USP7: variants seen among roughly 807,000 people sequenced by gnomAD.
USP7 encodes ubiquitin C-terminal hydrolase 7.
A neutral mutation model predicts 162.9 loss-of-function variants in USP7; 9 were observed. That is an observed-to-expected ratio of 0.06 (90% CI 0.03 to 0.10). The LOEUF is 0.10. Among genes scored for constraint, USP7 ranks in the 10% least tolerant of loss-of-function variants. USP7 has a pLI of 1.00. For missense variants in USP7, 715 were observed against 1,373.7 expected (o/e 0.52, Z 7.58); for synonymous variants, 562 against 475.9 (o/e 1.18, Z -2.35).
At chr16:8,937,606 G>A (rs986502181) in intron 1 of USP7, among the ~76,000 whole-genome samples, 2 of 152,096 alleles carry the variant, frequency 1.3e-5, no homozygotes, top group Non-Finnish European at 2.9e-5. Flanking sequence ...AGGCTGAGGT[G>A]GGACGTAAAG....
intron 1 of USP7, among the ~76,000 whole-genome samples, chr16:8,942,094 AG>A (rs752072635): frequency 8.5e-5 from 13 of 152,384 alleles, no homozygotes; most frequent in Admixed American, 2.6e-4. Context: ...AAACCGCAAC[AG>A]GAACAGGAAC....
At chr16:8,944,473 G>C (rs1165745742) in intron 1 of USP7, among the ~76,000 whole-genome samples, 4 of 152,146 alleles carry the variant, frequency 2.6e-5, no homozygotes, top group Non-Finnish European at 5.9e-5. Flanking sequence ...AGCCAGTTTG[G>C]GGACTGGGGA....
rs1048612787 is a variant in USP7 at position 8,892,621 on chromosome 16, A to C, written c.*1377T>G. 4 of 151,306 alleles carry C rather than the reference A, an allele frequency of 2.6e-5. No individual in the cohort carries two copies. The highest frequency in any genetic ancestry group is 4.4e-5 in the Non-Finnish European group (3 of 67,866). The allele number at this position is 151,306 out of a possible 1,614,324, so 9.4% of individuals were successfully genotyped here. A position where few individuals can be genotyped will look rare whatever the true frequency, so the allele number is the denominator to read the frequency against. ...AGTTAGAGGCTAAAAAAAAAAAAAA[A>C]AAAAAAAAGAAACAAGAGACCCTGC... On this transcript the variant is annotated 3_prime_UTR_variant, in exon 31 of 31. Coordinates refer to ENST00000344836, the MANE Select transcript of USP7 (RefSeq NM_003470.3).
At chr16:8,894,242 G>A (rs1040803255) in intron 30 of USP7, 138 bp from the exon 31 acceptor site, 14 of 801,462 alleles carry the variant, frequency 1.7e-5, no homozygotes, top group South Asian at 3.1e-5. Context: ...TGAGCTACAC[G>A]CCCACCTGGA....
intron 1 of USP7, 182 bp downstream of exon 1, chr16:8,963,025 T>G (rs556795179): frequency 2.5e-6 from 1 of 396,790 alleles, no homozygotes; most frequent in South Asian, 1.2e-4. Context: ...CGGCCGCCCC[T>G]CGCCCGCGGA....
intron 1 of USP7, 97 bp downstream of exon 1, chr16:8,963,110 G>T: frequency 8.6e-7 from 1 of 1,159,898 alleles, no homozygotes; most frequent in Non-Finnish European, 1.1e-6. Context: ...CCGGGGCCTG[G>T]TTAAAGATGG....
chr16:8,929,481 C>T, intron 2 of USP7: 1 of 456,072 alleles, frequency 2.2e-6, no homozygotes, highest in Non-Finnish European at 4.4e-6. Context: ...GAGGTCTGAA[C>T]AGCAGTCCTT....
intron 2 of USP7, among the ~76,000 whole-genome samples, chr16:8,925,391 G>T (rs1897932740): frequency 6.6e-6 from 1 of 152,072 alleles, no homozygotes; most frequent in Non-Finnish European, 1.5e-5. Context: ...ATCACTGCAG[G>T]ACCTAAAAAG....
intron 2 of USP7, among the ~76,000 whole-genome samples, chr16:8,929,887 A>T (rs182480905): frequency 3.0e-4 from 45 of 150,960 alleles, no homozygotes; most frequent in Non-Finnish European, 5.7e-4. Flanking sequence ...ATTCATAGCT[A>T]TCATCAACTG....
In USP7 at chr16:8,900,137, C is replaced by T. The variant is rs571686974; in HGVS notation, c.2310-380G>A. On this transcript the variant is annotated intron_variant, in intron 21 of 30. Transcript: ENST00000344836. ...GGAAATCTGGGCTTTCGTGTGCCAT[C>T]GAGCCACTTTCAGACACTGAGTGTC... 194 of 357,426 alleles carry T rather than the reference C, an allele frequency of 5.4e-4. 3 individuals are homozygous for T. The highest frequency in any genetic ancestry group is 3.3e-3 in the Middle Eastern group (4 of 1,214). The allele number at this position is 357,426 out of a possible 1,614,324, so 22.1% of individuals were successfully genotyped here. A position where few individuals can be genotyped will look rare whatever the true frequency, so the allele number is the denominator to read the frequency against.
At chr16:8,912,930 A>C (rs2061971171) in intron 10 of USP7, among the ~76,000 whole-genome samples, 1 of 152,246 alleles carries the variant, frequency 6.6e-6, no homozygotes, top group African/African-American at 2.4e-5. Context: ...CAATTAGTGA[A>C]GATCAAGACA....
intron 1 of USP7, among the ~76,000 whole-genome samples, chr16:8,932,322 C>T (rs1542540): frequency 0.99 from 150,676 of 152,340 alleles, 74,537 homozygotes; most frequent in East Asian, 1. Context: ...TCCTAGCACT[C>T]TGGGAGGCAA....
chr16:8,927,746 G>A (rs1308814416), intron 2 of USP7, among the ~76,000 whole-genome samples: 1 of 152,242 alleles, frequency 6.6e-6, no homozygotes, highest in African/African-American at 2.4e-5. Context: ...TGAGGCAGAA[G>A]AATCGCAAAA....
Position 8,963,248 on chromosome 16 carries a change from C to T in USP7, c.38G>A (p.Gly13Asp), listed in dbSNP as rs1277447483. ...CTCGGGCTCGCTCAACTGCTGCTCG[C>T]CCGCTTTCTGCTGCTGCTGCTGCTG... ...HQQQQQQQKA[G>D]EQQLSEPEDM... The change falls in exon 1 of 31, where the codon GGC (glycine) becomes GAC (aspartate). Residue 13 changes from glycine to aspartate, a missense_variant. Transcript: ENST00000344836. 3 of 1,389,366 alleles carry T rather than the reference C, an allele frequency of 2.2e-6. No homozygotes were observed. The highest frequency in any genetic ancestry group is 1.5e-5 in the African/African-American group (1 of 65,822). The allele number at this position is 1,389,366 out of a possible 1,614,324, so 86.1% of individuals were successfully genotyped here.
At chr16:8,905,560 T>C (rs2061847005) in intron 13 of USP7, among the ~76,000 whole-genome samples, 1 of 152,228 alleles carries the variant, frequency 6.6e-6, no homozygotes, top group Non-Finnish European at 1.5e-5. Flanking sequence ...CCATTCAACA[T>C]TCTGTGGGCA....
chr16:8,931,774 G>A (rs1289734037), intron 1 of USP7, among the ~76,000 whole-genome samples: 1 of 152,158 alleles, frequency 6.6e-6, no homozygotes, highest in African/African-American at 2.4e-5. Flanking sequence ...AATCACAGCA[G>A]GACTTTTAGG....
intron 6 of USP7, among the ~76,000 whole-genome samples, chr16:8,917,980 C>T (rs139207411): frequency 4.7e-4 from 71 of 151,894 alleles, no homozygotes; most frequent in Admixed American, 1.4e-3. Flanking sequence ...TTACTAGAGA[C>T]GGGGTTTCAC....
intron 1 of USP7, among the ~76,000 whole-genome samples, chr16:8,952,820 C>A (rs1314342275): frequency 6.6e-6 from 1 of 151,838 alleles, no homozygotes; most frequent in Non-Finnish European, 1.5e-5. Context: ...CCACCCCTCC[C>A]GCCTGTGACC....
intron 30 of USP7, 100 bp downstream of exon 30, chr16:8,894,450 G>C: frequency 8.4e-7 from 1 of 1,195,454 alleles, no homozygotes; most frequent in Admixed American, 2.5e-5. Context: ...TGGAGAGAGA[G>C]GAGCTGGCAC....
Sources: allele counts gnomAD v4.1 joint callset (sites outside exome capture counted in the v4.1 genomes callset), GRCh38; gene constraint gnomAD v4.1.1; transcripts MANE v1.5; gene names NCBI Gene and HGNC (gene_info 2026-07-23, HGNC 2026-07-21).